Variants in DYNC1I1 observed in about 807,000 individuals in gnomAD.
DYNC1I1 encodes the protein cytoplasmic dynein 1 intermediate chain 1.
A neutral mutation model predicts 86.6 loss-of-function variants in DYNC1I1; 43 were observed. The ratio of observed to expected loss-of-function variants is 0.50; its 90% CI spans 0.39 to 0.64. DYNC1I1 has a LOEUF of 0.64. Among genes scored for constraint, DYNC1I1 ranks in the 30% least tolerant of loss-of-function variants. DYNC1I1 has a pLI of 0.00. For missense variants in DYNC1I1, 604 were observed against 788.8 expected (o/e 0.77, Z 2.81); for synonymous variants, 262 against 283.7 (o/e 0.92, Z 0.77).
At chr7:95,965,914 A>G (rs76708269) in intron 6 of DYNC1I1, among the ~76,000 whole-genome samples, 6,224 of 152,206 alleles carry the variant, frequency 0.041, 329 homozygotes, top group African/African-American at 0.13. Context: ...TTAGGTTCCA[A>G]GTTGCTATCA....
intron 11 of DYNC1I1, among the ~76,000 whole-genome samples, chr7:96,031,945 GT>G (rs1794816826): frequency 1.3e-5 from 2 of 152,096 alleles, no homozygotes; most frequent in South Asian, 4.1e-4. Context: ...ATGACAGAGG[GT>G]TACAACATCT....
intron 9 of DYNC1I1, among the ~76,000 whole-genome samples, chr7:95,988,974 A>G (rs1295672367): frequency 1.3e-5 from 2 of 152,196 alleles, no homozygotes; most frequent in Non-Finnish European, 2.9e-5. Context: ...AAAGTATTTT[A>G]GCATCCCGTG....
intron 14 of DYNC1I1, among the ~76,000 whole-genome samples, chr7:96,061,653 GTC>G (rs35374035): frequency 0.3 from 44,097 of 146,224 alleles, 7,455 homozygotes; most frequent in African/African-American, 0.47. Flanking sequence ...TGGAAAAAGA[GTC>G]TCTCTCTCTC....
At chr7:96,017,759 G>A (rs1054567465) in intron 10 of DYNC1I1, among the ~76,000 whole-genome samples, 9 of 152,028 alleles carry the variant, frequency 5.9e-5, no homozygotes, top group African/African-American at 2.2e-4. Context: ...ATTATTTTGA[G>A]GAATAGACAC....
At chr7:95,928,547 G>T (rs972079090) in intron 6 of DYNC1I1, among the ~76,000 whole-genome samples, 3 of 152,104 alleles carry the variant, frequency 2.0e-5, no homozygotes, top group Non-Finnish European at 4.4e-5. Context: ...CAGGCTGCAG[G>T]GGGAGTATCA....
At position 95,813,326 on chromosome 7, in the gene DYNC1I1, G is replaced by A; in HGVS notation, c.303G>A (p.Gly101=). Residue 101 remains glycine (G), a synonymous_variant, in exon 4 of 17, where the codon GGG becomes GGA. Coordinates refer to ENST00000447467, the MANE Select transcript of DYNC1I1 (RefSeq NM_001135556.2). ...GAAGCCAAGACTCAGGCGATCTGGG[G>A]CCATTAACAAGGTAAGAATTGTCCC... ...EAGSQDSGDL[G]PLTRTLQWDT... The A allele has an allele frequency of 6.2e-7, 1 of 1,611,078 alleles. No individual in the cohort carries two copies. The highest frequency in any genetic ancestry group is 8.5e-7 in the Non-Finnish European group (1 of 1,179,090).
intron 16 of DYNC1I1, among the ~76,000 whole-genome samples, chr7:96,109,453 C>G (rs1309307151): frequency 6.8e-6 from 1 of 146,366 alleles, no homozygotes; most frequent in African/African-American, 2.5e-5. Flanking sequence ...TCTTCTTTTT[C>G]TAGTTTGTTA....
chr7:96,082,866 T>C (rs1790565124), intron 16 of DYNC1I1, among the ~76,000 whole-genome samples: 1 of 152,206 alleles, frequency 6.6e-6, no homozygotes, highest in African/African-American at 2.4e-5. Flanking sequence ...TTGTAAAGTG[T>C]TGTTATACTC....
At chr7:95,839,805 C>T (rs1457575470) in intron 5 of DYNC1I1, among the ~76,000 whole-genome samples, 1 of 151,684 alleles carries the variant, frequency 6.6e-6, no homozygotes, top group Non-Finnish European at 1.5e-5. Flanking sequence ...GCTTTATTGC[C>T]CCCTTCATTT....
At chr7:95,921,183 A>C (rs1010650982) in intron 6 of DYNC1I1, among the ~76,000 whole-genome samples, 1 of 152,292 alleles carries the variant, frequency 6.6e-6, no homozygotes, top group Non-Finnish European at 1.5e-5. Flanking sequence ...ATTTCCTTTG[A>C]GGTGAAAAAA....
Position 95,898,689 on chromosome 7 carries a change from G to A in DYNC1I1, c.490+28691G>A, listed in dbSNP as rs530537555. 2.0e-5 allele frequency among the ~76,000 whole-genome samples: 3 copies of A among 152,300 alleles called. No individual in the cohort carries two copies. In the East Asian group the frequency reaches 5.8e-4, roughly 29 times the overall value. On this transcript the variant is annotated intron_variant, in intron 6 of 16. Coordinates refer to ENST00000447467, the MANE Select transcript of DYNC1I1 (RefSeq NM_001135556.2). The stretch of plus-strand genomic sequence containing the variant: ...AGGAAAGAATCACTAACTTTCCTCA[G>A]TGTATCCACTGCACAGAGGATTTAT...
At chr7:96,102,364 G>T (rs1461354011), downstream of DYNC1I1, among the ~76,000 whole-genome samples, 1 of 152,080 alleles carries the variant, frequency 6.6e-6, no homozygotes, top group Non-Finnish European at 1.5e-5. Flanking sequence ...CAGATGCCTT[G>T]GTAAGATATA....
chr7:95,986,667 T>C (rs1219531060), intron 8 of DYNC1I1, among the ~76,000 whole-genome samples: 3 of 152,036 alleles, frequency 2.0e-5, no homozygotes, highest in Non-Finnish European at 4.4e-5. Context: ...GTAGTATCGA[T>C]ATCAAAGAAT....
At chr7:95,968,822 CTCTGTGTGTGTGTG>C (rs1456584164) in intron 6 of DYNC1I1, among the ~76,000 whole-genome samples, 112 of 133,632 alleles carry the variant, frequency 8.4e-4, no homozygotes, top group African/African-American at 2.7e-3. Context: ...GAATTTTTTG[CTCTGTGTGTGTGTG>C]TGTGTGTGTG....
At chr7:95,901,462 C>T (rs746929408) in intron 6 of DYNC1I1, among the ~76,000 whole-genome samples, 2 of 152,198 alleles carry the variant, frequency 1.3e-5, no homozygotes, top group Non-Finnish European at 2.9e-5. Flanking sequence ...CAGACTGAAG[C>T]AGGGTGTACA....
chr7:95,874,650 A>G (rs1790258485), intron 6 of DYNC1I1, among the ~76,000 whole-genome samples: 1 of 93,316 alleles, frequency 1.1e-5, no homozygotes, highest in African/African-American at 6.1e-5. Flanking sequence ...AAAAGAAGAG[A>G]GAGAGAGAGA....
rs1011017816 is a variant in DYNC1I1, at chr7:95,860,133, A to T, written c.375-9750A>T. ...CTGGGAGGACAATTGCTGGAGAGTCATATTCTGCCATTTTGCTCCACCCCT... is the reference window on the plus strand; with the variant it reads ...CTGGGAGGACAATTGCTGGAGAGTCTTATTCTGCCATTTTGCTCCACCCCT... On this transcript the variant is annotated intron_variant, in intron 5 of 16. Transcript: ENST00000447467. Among the ~76,000 whole-genome samples the T allele has an allele frequency of 4.6e-5, 7 of 152,240 alleles. No individual in the cohort carries two copies. In the East Asian group the frequency reaches 1.4e-3, roughly 29 times the overall value.
chr7:95,884,116 A>G (rs908094745), intron 6 of DYNC1I1, among the ~76,000 whole-genome samples: 12 of 152,210 alleles, frequency 7.9e-5, no homozygotes, highest in African/African-American at 2.9e-4. Context: ...TTTCCTCCAC[A>G]GTCAGTCTTC....
chr7:96,082,471 C>T (rs1040197495), intron 16 of DYNC1I1, among the ~76,000 whole-genome samples: 2 of 152,102 alleles, frequency 1.3e-5, no homozygotes, highest in African/African-American at 2.4e-5. Flanking sequence ...ATACACATAA[C>T]GTCCCTTAAC....
Sources: gnomAD v4.1 joint callset for allele counts (sites outside exome capture counted in the v4.1 genomes callset) on GRCh38, gnomAD v4.1.1 for gene constraint, MANE v1.5 for transcripts, NCBI Gene and HGNC (gene_info 2026-07-23, HGNC 2026-07-21) for gene names.